Variants in PCDHA4 observed in about 807,000 individuals in gnomAD.
PCDHA4 encodes protocadherin alpha-4.
In PCDHA4, 49 loss-of-function variants were observed where a neutral mutation model predicts 61.4. The observed-to-expected ratio is 0.80, with a 90% CI of 0.63 to 1.01. The LOEUF (loss-of-function observed/expected upper bound fraction) is 1.01, where lower values mean the gene tolerates loss of function less well. Among genes scored for constraint, PCDHA4 ranks in the 50% least tolerant of loss-of-function variants. The pLI, the probability that PCDHA4 is intolerant of heterozygous loss-of-function variation, is 0.00. For missense variants in PCDHA4, 1,254 were observed against 1,235.8 expected, an observed-to-expected ratio of 1.01 and a Z score of -0.22; for synonymous variants, 590 against 550.3, an observed-to-expected ratio of 1.07 and a Z score of -1.01.
In PCDHA4 at chr5:140,877,039, C is replaced by T. The variant is rs782458785; in HGVS notation, c.2385+67467C>T. ...CGGCAAGGTGTACGCGCTGCAGCCG[C>T]TAGACCACGAGGAGCTGGAGCTGCT... is the stretch of plus-strand genomic sequence containing the variant. On this transcript the variant is annotated intron_variant, in intron 1 of 3. Transcript: ENST00000530339. The T allele has an allele frequency of 3.7e-6, 6 of 1,612,576 alleles. No homozygotes were observed. In the African/African-American group the frequency reaches 5.3e-5, roughly 14 times the overall value.
chr5:141,011,553 G>T lies in PCDHA4; in HGVS notation c.*1616G>T, dbSNP rs1191049531. The T allele has an allele frequency of 6.5e-6, 1 of 153,640 alleles. No homozygotes were observed. The highest frequency in any genetic ancestry group is 1.5e-5 in the Non-Finnish European group (1 of 68,008). The allele number at this position is 153,640 out of a possible 1,614,324, so 9.5% of individuals were successfully genotyped here. Reference sequence around the variant, plus strand: ...TGTTAATCAGCTTTTGTGTATGAAAGACACAGTAAAATTTCTTTCTTAAAT... The same window carrying T: ...TGTTAATCAGCTTTTGTGTATGAAATACACAGTAAAATTTCTTTCTTAAAT... On this transcript the variant is annotated 3_prime_UTR_variant, in exon 4 of 4. Transcript: ENST00000530339.
intron 1 of PCDHA4, chr5:140,850,299 G>T (rs1554144160): frequency 6.3e-7 from 1 of 1,596,494 alleles, no homozygotes; most frequent in African/African-American, 1.3e-5. Context: ...CGCCGACTCG[G>T]GCTACAACGC....
At chr5:140,848,891 G>A in intron 1 of PCDHA4, 1 of 1,600,726 alleles carries the variant, frequency 6.2e-7, no homozygotes, top group South Asian at 1.1e-5. Flanking sequence ...ACCCTCCAGT[G>A]TTCCCAGCGA....
intron 3 of PCDHA4, among the ~76,000 whole-genome samples, chr5:140,991,237 A>G (rs2097440162): frequency 6.6e-6 from 1 of 152,186 alleles, no homozygotes; most frequent in African/African-American, 2.4e-5. Context: ...ATGCAGTGGT[A>G]AAGGCAGTAT....
intron 1 of PCDHA4, chr5:140,859,459 C>A (rs1379028308): frequency 9.2e-6 from 2 of 216,756 alleles, no homozygotes; most frequent in Non-Finnish European, 1.8e-5. Context: ...AGTGACAAAA[C>A]TACACTATCA....
At chr5:140,817,434 G>C (rs2150098195) in intron 1 of PCDHA4, 17 of 152,176 alleles carry the variant, frequency 1.1e-4, no homozygotes, top group African/African-American at 4.1e-4. Flanking sequence ...TGGAGGGTCT[G>C]GGGATTCCTA....
chr5:140,841,617 G>C, intron 1 of PCDHA4: 2 of 1,614,152 alleles, frequency 1.2e-6, no homozygotes, highest in Non-Finnish European at 1.7e-6. Flanking sequence ...TGCGGGCGGA[G>C]CGCGGAGTGC....
chr5:140,883,065 C>T, intron 1 of PCDHA4: 1 of 1,614,056 alleles, frequency 6.2e-7, no homozygotes, highest in Non-Finnish European at 8.5e-7. Flanking sequence ...AAGCTAAATG[C>T]CACAGATCCT....
chr5:140,921,740 C>T (rs923518440), intron 1 of PCDHA4, among the ~76,000 whole-genome samples: 1 of 152,052 alleles, frequency 6.6e-6, no homozygotes, highest in Non-Finnish European at 1.5e-5. Flanking sequence ...AAATTATAAG[C>T]ATAACAGGAC....
At position 140,856,167 on chromosome 5, in the gene PCDHA4, A is replaced by T. The variant is rs141221498; in HGVS notation, c.2385+46595A>T. ...TACTCAGTCTACGAGGAGGCCAGAC[A>T]CGGCACCTTCGTGGGCCGCATCGCG... is the stretch of plus-strand genomic sequence containing the variant. On this transcript the variant is annotated intron_variant, in intron 1 of 3. Coordinates refer to ENST00000530339, the MANE Select transcript of PCDHA4 (RefSeq NM_018907.4). 4.0e-5 allele frequency: 64 copies of T among 1,598,222 alleles called. 4 individuals carry two copies. The African/African-American group carries it at 8.5e-4, about 21-fold the overall frequency.
chr5:140,817,462 T>C (rs1766142664), intron 1 of PCDHA4: 1 of 152,254 alleles, frequency 6.6e-6, no homozygotes, highest in Non-Finnish European at 1.5e-5. Context: ...ATCTTGCTGA[T>C]GTCACTACCT....
intron 1 of PCDHA4, among the ~76,000 whole-genome samples, chr5:140,960,401 G>C (rs1219932748): frequency 2.0e-5 from 3 of 151,956 alleles, no homozygotes; most frequent in African/African-American, 7.3e-5. Flanking sequence ...TGCAAGGGGG[G>C]GTGCCCAAAA....
intron 1 of PCDHA4, among the ~76,000 whole-genome samples, chr5:140,940,583 G>A (rs1294741133): frequency 6.6e-6 from 1 of 151,990 alleles, no homozygotes; most frequent in East Asian, 1.9e-4. Flanking sequence ...AAAGTGTTGG[G>A]ATTTCAGGCA....
At chr5:140,829,476 T>C in intron 1 of PCDHA4, 1 of 1,613,798 alleles carries the variant, frequency 6.2e-7, no homozygotes, top group South Asian at 1.1e-5. Flanking sequence ...GAGTACACAG[T>C]GTTCGTGAAG....
At chr5:140,837,655 T>G (rs1323533582) in intron 1 of PCDHA4, among the ~76,000 whole-genome samples, 2 of 151,204 alleles carry the variant, frequency 1.3e-5, no homozygotes, top group Admixed American at 1.3e-4. Flanking sequence ...CTTTCTTCCT[T>G]TTTCTTTCAT....
intron 1 of PCDHA4, chr5:140,863,034 A>T (rs782534693): frequency 1.8e-6 from 1 of 557,814 alleles, no homozygotes; most frequent in Non-Finnish European, 3.5e-6. Flanking sequence ...CAACAGCTGC[A>T]TCTGTCAGCT....
Position 141,009,803 on chromosome 5 carries a change from C to G in PCDHA4, c.2710C>G (p.Gln904Glu). 6.2e-7 allele frequency: 1 copy of G among 1,613,968 alleles called. No individual in the cohort carries two copies. The highest frequency in any genetic ancestry group is 8.5e-7 in the Non-Finnish European group (1 of 1,179,994). ...CATCCGGCAGGAGCCTACTAACAGC[C>G]AAATTGACAAAAGTGACTTCATAAC... ...ISIRQEPTNS[Q>E]IDKSDFITFG... Residue 904 changes from glutamine to glutamate, a missense_variant, in exon 4 of 4, where the codon CAA (glutamine) becomes GAA (glutamate). Physicochemically the swap from Gln to Glu is conservative, Grantham distance 29 (BLOSUM62 2). Coordinates refer to ENST00000530339, the MANE Select transcript of PCDHA4 (RefSeq NM_018907.4).
rs1554262529 is a variant in PCDHA4 at position 141,009,890 on chromosome 5, G to A, written c.2797G>A (p.Glu933Lys). 8.1e-6 allele frequency: 13 copies of A among 1,612,626 alleles called. No homozygotes were observed. Among genetic ancestry groups the A allele is most frequent in the Non-Finnish European group, 1.1e-5 (13 of 1,179,746 alleles). ...AAAGAAGAAGGGTAACAAGACCCAG[G>A]AGAAAAAAGAGAAAGGGAACAGCAC... Reference protein sequence around the residue: ...KKKKKGNKTQEKKEKGNSTTD... With the variant: ...KKKKKGNKTQKKKEKGNSTTD... The change falls in exon 4 of 4, where the codon GAG becomes AAG. Residue 933 changes from glutamate to lysine, a missense_variant. Glu to Lys is a moderately conservative substitution (Grantham distance 56). Coordinates refer to ENST00000530339, the MANE Select transcript of PCDHA4 (RefSeq NM_018907.4).
intron 3 of PCDHA4, among the ~76,000 whole-genome samples, chr5:140,990,514 T>C (rs1437267512): frequency 1.3e-5 from 2 of 152,204 alleles, no homozygotes; most frequent in Non-Finnish European, 1.5e-5. Context: ...TCTTCTCTCT[T>C]GTCTTTTTTG....
Sources: gnomAD v4.1 joint callset for allele counts (sites outside exome capture counted in the v4.1 genomes callset) on GRCh38, gnomAD v4.1.1 for gene constraint, MANE v1.5 for transcripts, NCBI Gene and HGNC (gene_info 2026-07-23, HGNC 2026-07-21) for gene names.